PRPSAP1: variants seen among roughly 807,000 people sequenced by gnomAD.
The protein encoded by PRPSAP1 is phosphoribosyl pyrophosphate synthase-associated protein 1.
PRPSAP1 carries 31 observed loss-of-function variants against 39.4 expected under a neutral mutation model. The ratio of observed to expected loss-of-function variants is 0.79; its 90% CI spans 0.59 to 1.06. The LOEUF is 1.06. Ranked by LOEUF, PRPSAP1 falls within the 50% of genes least tolerant of loss-of-function variation. The pLI is 0.00. For missense variants in PRPSAP1, 430 were observed against 511.6 expected, an observed-to-expected ratio of 0.84 and a Z score of 1.54; for synonymous variants, 212 against 192.6, an observed-to-expected ratio of 1.10 and a Z score of -0.83.
intron 6 of PRPSAP1, 111 bp downstream of exon 6, chr17:76,329,932 G>A: frequency 2.1e-6 from 2 of 941,284 alleles, no homozygotes; most frequent in African/African-American, 1.6e-5. Context: ...GTTAACATGA[G>A]AGCCAGTGGG....
At chr17:76,332,157 C>T (rs1232441491) in intron 4 of PRPSAP1, 106 bp downstream of exon 4, 1 of 1,381,716 alleles carries the variant, frequency 7.2e-7, no homozygotes, top group Non-Finnish European at 9.9e-7. Flanking sequence ...CAAAAGGAAA[C>T]AAACACTCAG....
intron 2 of PRPSAP1, among the ~76,000 whole-genome samples, chr17:76,345,609 GA>G (rs60667192): frequency 0.15 from 14,971 of 99,480 alleles, 843 homozygotes; most frequent in South Asian, 0.27. Flanking sequence ...CTTGTCTGGA[GA>G]AAAAAAAAAA....
intron 7 of PRPSAP1, among the ~76,000 whole-genome samples, chr17:76,326,571 A>C (rs2071258308): frequency 6.6e-6 from 1 of 152,200 alleles, no homozygotes; most frequent in Non-Finnish European, 1.5e-5. Context: ...CAATTAAGGG[A>C]GAGTCTACAA....
chr17:76,324,602 CAA>C (rs141820931), intron 7 of PRPSAP1, among the ~76,000 whole-genome samples: 44,423 of 138,058 alleles, frequency 0.32, 7,494 homozygotes, highest in African/African-American at 0.48. Flanking sequence ...AACTCCATCT[CAA>C]AAAAAAAAAA....
Position 76,314,093 on chromosome 17 carries a change from A to G in PRPSAP1, c.782-202T>C, listed in dbSNP as rs868540174. 1.6e-4 allele frequency: 94 copies of G among 577,452 alleles called. No homozygotes were observed. In the Middle Eastern group the frequency reaches 2.3e-3, roughly 14 times the overall value. The allele number at this position is 577,452 out of a possible 1,614,324, so 35.8% of individuals were successfully genotyped here. On this transcript the variant is annotated intron_variant, in intron 7 of 9. Transcript: ENST00000446526. ...AAAAGAAATAGAAGGCATGCCATAC[A>G]TGTTACTTTGAATTTTCTAGTAGCC...
At chr17:76,328,619 CAA>C in intron 7 of PRPSAP1, 96 bp downstream of exon 7, 1 of 1,469,862 alleles carries the variant, frequency 6.8e-7, no homozygotes, top group Non-Finnish European at 9.2e-7. Context: ...AAAAACAAAA[CAA>C]AACAAAACAA....
At chr17:76,328,123 G>A (rs552971650) in intron 7 of PRPSAP1, among the ~76,000 whole-genome samples, 9 of 150,912 alleles carry the variant, frequency 6.0e-5, no homozygotes, top group South Asian at 2.1e-4. Context: ...CTTGCGCCCC[G>A]GTCAAGGCTG....
At chr17:76,349,100 C>T (rs545574563) in intron 1 of PRPSAP1, among the ~76,000 whole-genome samples, 4 of 151,958 alleles carry the variant, frequency 2.6e-5, no homozygotes, top group Admixed American at 6.6e-5. Flanking sequence ...CACCTGAGGT[C>T]GGGAGTTTGA....
chr17:76,328,645 A>AC, intron 7 of PRPSAP1, 72 bp downstream of exon 7: 2 of 1,531,300 alleles, frequency 1.3e-6, no homozygotes, highest in South Asian at 2.4e-5. Context: ...AACAACAACA[A>AC]AACCAACAAA....
At chr17:76,338,313 T>A (rs1048401602) in intron 3 of PRPSAP1, among the ~76,000 whole-genome samples, 3 of 152,198 alleles carry the variant, frequency 2.0e-5, no homozygotes, top group Non-Finnish European at 4.4e-5. Context: ...TCTGTTTGCC[T>A]AAAATTAGCC....
chr17:76,332,218 C>T (rs1382497829), intron 4 of PRPSAP1, 45 bp downstream of exon 4: 1 of 1,598,322 alleles, frequency 6.3e-7, no homozygotes, highest in Non-Finnish European at 8.5e-7. Context: ...AGGAAAGAGC[C>T]CTAAAGGATC....
chr17:76,341,515 TA>T (rs1333982282), intron 3 of PRPSAP1, among the ~76,000 whole-genome samples: 1 of 152,224 alleles, frequency 6.6e-6, no homozygotes. Flanking sequence ...GTCCTGGGAT[TA>T]CAGGTGTGAG....
intron 7 of PRPSAP1, among the ~76,000 whole-genome samples, chr17:76,326,541 C>T (rs748204112): frequency 6.6e-5 from 10 of 152,144 alleles, no homozygotes; most frequent in Non-Finnish European, 1.2e-4. Context: ...GAATCTAATC[C>T]TGAGGACACA....
intron 1 of PRPSAP1, among the ~76,000 whole-genome samples, chr17:76,351,465 A>T (rs1007548883): frequency 6.6e-6 from 1 of 152,196 alleles, no homozygotes; most frequent in African/African-American, 2.4e-5. Context: ...CAGTGAGCCG[A>T]GATCGCGCCA....
chr17:76,310,051 T>C lies in PRPSAP1; in HGVS notation c.*1491A>G, dbSNP rs2071053519. 6.6e-6 allele frequency: 1 copy of C among 150,664 alleles called. No individual in the cohort carries two copies. The allele number at this position is 150,664 out of a possible 1,614,324, so 9.3% of individuals were successfully genotyped here. A position where few individuals can be genotyped will look rare whatever the true frequency, so the allele number is the denominator to read the frequency against. On this transcript the variant is annotated 3_prime_UTR_variant, in exon 10 of 10. Transcript: ENST00000446526. ...CTTGGGCTGGAGTGCAGTGGCACAA[T>C]CTCAGCTCACTGCAATCTCTGCCTC... is the stretch of plus-strand genomic sequence containing the variant.
intron 2 of PRPSAP1, among the ~76,000 whole-genome samples, chr17:76,346,827 C>G (rs2071506823): frequency 6.6e-6 from 1 of 151,364 alleles, no homozygotes; most frequent in Admixed American, 6.6e-5. Flanking sequence ...ACCTGGGAGG[C>G]AGAGGCTGCA....
At chr17:76,341,704 CCGAGG>C (rs1210656887) in intron 3 of PRPSAP1, among the ~76,000 whole-genome samples, 4 of 152,190 alleles carry the variant, frequency 2.6e-5, no homozygotes, top group Non-Finnish European at 4.4e-5. Context: ...CTTTGGGAGG[CCGAGG>C]CAGGCGGATC....
chr17:76,325,747 G>A (rs1364926208), intron 7 of PRPSAP1, among the ~76,000 whole-genome samples: 1 of 151,450 alleles, frequency 6.6e-6, no homozygotes, highest in Non-Finnish European at 1.5e-5. Context: ...TGGGACTACA[G>A]GCGCCCGCCA....
At chr17:76,332,046 A>G (rs968436262) in intron 4 of PRPSAP1, among the ~76,000 whole-genome samples, 1 of 152,206 alleles carries the variant, frequency 6.6e-6, no homozygotes, top group African/African-American at 2.4e-5. Flanking sequence ...ATGACAGAGA[A>G]GAGAAGACAC....
Sources: gnomAD v4.1 joint callset for allele counts (sites outside exome capture counted in the v4.1 genomes callset) on GRCh38, gnomAD v4.1.1 for gene constraint, MANE v1.5 for transcripts, NCBI Gene and HGNC (gene_info 2026-07-23, HGNC 2026-07-21) for gene names.